Variants in PRMT8 observed in about 807,000 individuals in gnomAD.
PRMT8 encodes protein arginine methyltransferase 8, also known as protein arginine N-methyltransferase 8.
In PRMT8, 7 loss-of-function variants were observed where a neutral mutation model predicts 47.1. That is an observed-to-expected ratio of 0.15 (90% confidence interval 0.08 to 0.28). PRMT8 has a LOEUF of 0.28. Among genes scored for constraint, PRMT8 ranks in the 10% least tolerant of loss-of-function variants. The probability of loss-of-function intolerance (pLI) is 1.00; values close to 1 mark genes in which losing one functional copy is unlikely to be tolerated. For missense variants in PRMT8, 237 were observed against 505.4 expected, an observed-to-expected ratio of 0.47 and a Z score of 5.09; for synonymous variants, 188 against 186.5, an observed-to-expected ratio of 1.01 and a Z score of -0.07.
chr12:3,443,475 C>T (rs1182752321), intron 1 of PRMT8, among the ~76,000 whole-genome samples: 3 of 152,126 alleles, frequency 2.0e-5, no homozygotes, highest in African/African-American at 7.2e-5. Flanking sequence ...TCCAATTCAC[C>T]ATAAAGTCTT....
At chr12:3,472,406 G>A (rs975390903) in intron 1 of PRMT8, among the ~76,000 whole-genome samples, 7 of 152,200 alleles carry the variant, frequency 4.6e-5, no homozygotes, top group Non-Finnish European at 7.3e-5. Flanking sequence ...GAATTTGTCC[G>A]CAGCCCTTCA....
chr12:3,479,679 C>A (rs1367480307), intron 1 of PRMT8, among the ~76,000 whole-genome samples: 1 of 152,212 alleles, frequency 6.6e-6, no homozygotes, highest in Non-Finnish European at 1.5e-5. Flanking sequence ...CTTCTGCAGA[C>A]CCACTATGAC....
At chr12:3,553,168 G>A (rs1466491863) in intron 3 of PRMT8, 2 of 214,330 alleles carry the variant, frequency 9.3e-6, no homozygotes, top group African/African-American at 2.3e-5. Context: ...TCTTAAACCA[G>A]CCCTGAGGTC....
chr12:3,568,859 T>C lies in PRMT8; in HGVS notation c.624+11T>C. ...AGGGACAAGTGGCTGGTAAGTGTCC[T>C]GCATGCTGTCCCCGCGTTGGCCGGC... On this transcript the variant is annotated intron_variant, in intron 5 of 9. Transcript: ENST00000382622. 1 of 1,614,032 alleles carries C rather than the reference T, an allele frequency of 6.2e-7. No individual in the cohort carries two copies. Among genetic ancestry groups the C allele is most frequent in the Non-Finnish European group, 8.5e-7 (1 of 1,179,948 alleles).
chr12:3,482,081 A>G lies in PRMT8; in HGVS notation c.49-58525A>G, dbSNP rs544727911. Among the ~76,000 whole-genome samples, 9 of 152,312 alleles carry G rather than the reference A, an allele frequency of 5.9e-5. No individual in the cohort carries two copies. The South Asian group carries it at 1.7e-3, about 28-fold the overall frequency. On this transcript the variant is annotated intron_variant, in intron 1 of 9. Transcript: ENST00000452611. ...TGAGATAAAATGAGGCTGAAGGAAA[A>G]GGGCAAGATTTGCTCAGAGCCCTCC...
At chr12:3,437,817 G>C (rs1864761058) in intron 1 of PRMT8, among the ~76,000 whole-genome samples, 1 of 152,082 alleles carries the variant, frequency 6.6e-6, no homozygotes, top group South Asian at 2.1e-4. Flanking sequence ...GAGAGCAGCA[G>C]ACAGCTCACG....
At chr12:3,411,768 G>A (rs965535619) in intron 1 of PRMT8, among the ~76,000 whole-genome samples, 2 of 152,174 alleles carry the variant, frequency 1.3e-5, no homozygotes, top group Non-Finnish European at 2.9e-5. Flanking sequence ...GAGCTGGCAC[G>A]CTCTTGCCCT....
intron 7 of PRMT8, among the ~76,000 whole-genome samples, chr12:3,582,753 CT>C (rs1172684397): frequency 6.6e-6 from 1 of 152,160 alleles, no homozygotes; most frequent in Non-Finnish European, 1.5e-5. Context: ...ATTAACCCTC[CT>C]GTTCTCTCCC....
chr12:3,537,163 C>G (rs527516576), intron 1 of PRMT8, among the ~76,000 whole-genome samples: 11 of 152,374 alleles, frequency 7.2e-5, no homozygotes, highest in Non-Finnish European at 1.3e-4. Context: ...CTCTGCAACT[C>G]TTACATATGC....
chr12:3,461,955 T>C (rs973273737), intron 1 of PRMT8, among the ~76,000 whole-genome samples: 3 of 152,060 alleles, frequency 2.0e-5, no homozygotes, highest in Non-Finnish European at 4.4e-5. Flanking sequence ...GATAAACTCA[T>C]GTCACGAGGG....
chr12:3,590,441 A>G (rs144152904), intron 8 of PRMT8, among the ~76,000 whole-genome samples: 3 of 152,310 alleles, frequency 2.0e-5, no homozygotes, highest in East Asian at 1.9e-4. Context: ...CAGGTGGCTC[A>G]TATGATTGTG....
Position 3,589,059 on chromosome 12 carries a change from A to C in PRMT8, c.980-3172A>C, listed in dbSNP as rs377462416. 2.6e-4 allele frequency among the ~76,000 whole-genome samples: 40 copies of C among 152,320 alleles called. No individual in the cohort carries two copies. In the South Asian group the frequency reaches 8.3e-3, roughly 32 times the overall value. On this transcript the variant is annotated intron_variant, in intron 8 of 9. Transcript: ENST00000382622. ...TGCAGACCAGAGCCATAGTTGATGG[A>C]CTAATAAAATCATATACCACTCTAA...
intron 1 of PRMT8, among the ~76,000 whole-genome samples, chr12:3,397,061 C>T (rs1361924856): frequency 2.0e-5 from 3 of 151,784 alleles, no homozygotes; most frequent in Non-Finnish European, 4.4e-5. Context: ...TTTTCAGCTC[C>T]ATCAGCTCCT....
Position 3,557,065 on chromosome 12 carries a change from A to G in PRMT8, c.481+3351A>G, listed in dbSNP as rs1866540626. Among the ~76,000 whole-genome samples the G allele has an allele frequency of 6.6e-6, 1 of 152,186 alleles. No homozygotes were observed. The highest frequency in any genetic ancestry group is 1.5e-5 in the Non-Finnish European group (1 of 68,036). ...TGAAGAATGAGACAGTTGCATGCCA[A>G]AAAGAGAGAAGGTGAAGGGAGGTGA... On this transcript the variant is annotated intron_variant, in intron 4 of 9. Coordinates refer to ENST00000382622, the MANE Select transcript of PRMT8 (RefSeq NM_019854.5). The surrounding 1 kb of genome is among the most constrained non-coding windows in gnomAD (Gnocchi z 4.7).
chr12:3,386,124 A>G (rs1024615015), intron 1 of PRMT8, among the ~76,000 whole-genome samples: 49 of 152,204 alleles, frequency 3.2e-4, no homozygotes, highest in Non-Finnish European at 2.1e-4. Context: ...ATCTATAGAA[A>G]AGATCTTGCT....
At chr12:3,413,871 C>A (rs144930236) in intron 1 of PRMT8, among the ~76,000 whole-genome samples, 1 of 152,038 alleles carries the variant, frequency 6.6e-6, no homozygotes, top group Non-Finnish European at 1.5e-5. Context: ...TTAAAGTATA[C>A]GGGAAGATGT....
intron 1 of PRMT8, among the ~76,000 whole-genome samples, chr12:3,509,199 G>C (rs74057474): frequency 6.6e-6 from 1 of 152,162 alleles, no homozygotes; most frequent in Admixed American, 6.5e-5. Context: ...CTCCTCACCC[G>C]GGCTCAGGAG....
intron 6 of PRMT8, among the ~76,000 whole-genome samples, chr12:3,575,784 CT>C (rs1244195905): frequency 6.6e-6 from 1 of 152,178 alleles, no homozygotes; most frequent in Admixed American, 6.5e-5. Context: ...TTTGGGAGGC[CT>C]AGGTGGGCAG....
intron 1 of PRMT8, among the ~76,000 whole-genome samples, chr12:3,437,731 C>T (rs990215106): frequency 6.6e-6 from 1 of 151,758 alleles, no homozygotes; most frequent in African/African-American, 2.4e-5. Flanking sequence ...GCCTGAATCC[C>T]AGCTTGACCA....
Sources: allele counts gnomAD v4.1 joint callset (sites outside exome capture counted in the v4.1 genomes callset), GRCh38; gene constraint gnomAD v4.1.1; non-coding constraint Gnocchi (gnomAD v3.1); transcripts MANE v1.5; gene names NCBI Gene and HGNC (gene_info 2026-07-23, HGNC 2026-07-21).